The following MTUS1 variants were observed in gnomAD, a reference collection of about 807,000 sequenced individuals.
MTUS1 encodes microtubule-associated tumor suppressor 1.
Under a neutral mutation model 120.8 loss-of-function variants are expected in MTUS1, and 109 were observed. The ratio of observed to expected loss-of-function variants is 0.90; its 90% CI spans 0.77 to 1.06. The LOEUF is 1.06. MTUS1 is among the 50% of genes least tolerant of loss of function. The pLI, the probability that MTUS1 is intolerant of heterozygous loss-of-function variation, is 0.00. For synonymous variants in MTUS1, 737 were observed against 550.5 expected (o/e 1.34, Z -4.74); for missense variants, 2,210 against 1,486.3 (o/e 1.49, Z -8.01).
chr8:17,767,682 G>C (rs1436209616), intron 1 of MTUS1, among the ~76,000 whole-genome samples: 2 of 97,380 alleles, frequency 2.1e-5, no homozygotes, highest in East Asian at 6.0e-4. Context: ...CTGGGTGATA[G>C]AGCAAGACCC....
rs1173789145 is a variant in MTUS1, at chr8:17,755,723, A to T, written c.85T>A (p.Tyr29Asn). Residue 29 changes from tyrosine to asparagine, a missense_variant, in exon 2 of 15, where the codon TAC becomes AAC. Coordinates refer to ENST00000693296, the MANE Select transcript of MTUS1 (RefSeq NM_001363059.2). ...TGTGTAGGTGGTGATTTCGGGTTGT[A>T]TGCATGTGTATTTCCATCTTTATCA... is the stretch of plus-strand genomic sequence containing the variant. ...TSDKDGNTHA[Y>N]NPKSPPTQNS... The T allele has an allele frequency of 1.2e-6, 2 of 1,614,076 alleles. No individual in the cohort carries two copies. The highest frequency in any genetic ancestry group is 1.1e-5 in the South Asian group (1 of 91,082).
intron 5 of MTUS1, among the ~76,000 whole-genome samples, chr8:17,713,884 A>G (rs992154565): frequency 1.3e-5 from 2 of 152,200 alleles, no homozygotes; most frequent in Non-Finnish European, 2.9e-5. Context: ...GATCTCTTAA[A>G]ATACGTGGCT....
At position 17,778,227 on chromosome 8, in the gene MTUS1, C is replaced by A. The variant is rs142651321; in HGVS notation, c.-154-22266G>T. Among the ~76,000 whole-genome samples the A allele has an allele frequency of 4.0e-4, 61 of 152,226 alleles. 1 individual carries two copies. Among genetic ancestry groups the A allele is most frequent in the African/African-American group, 1.5e-3 (61 of 41,526 alleles). On this transcript the variant is annotated intron_variant, in intron 1 of 14. Coordinates refer to ENST00000693296, the MANE Select transcript of MTUS1 (RefSeq NM_001363059.2). Reference sequence around the variant, plus strand: ...GTAAACCATTGATACACAAACCACACAGATGTATCTCAAACACATACGCTA... The same window carrying A: ...GTAAACCATTGATACACAAACCACAAAGATGTATCTCAAACACATACGCTA...
At chr8:17,771,226 A>G (rs2049999411) in intron 1 of MTUS1, among the ~76,000 whole-genome samples, 1 of 152,226 alleles carries the variant, frequency 6.6e-6, no homozygotes, top group Non-Finnish European at 1.5e-5. Flanking sequence ...AAAGTTCCTG[A>G]AAGATACATA....
intron 1 of MTUS1, among the ~76,000 whole-genome samples, chr8:17,789,486 C>G (rs2051591417): frequency 6.6e-6 from 1 of 152,134 alleles, no homozygotes; most frequent in Non-Finnish European, 1.5e-5. Flanking sequence ...TGACCATGAA[C>G]ATTTCCTTGT....
intron 12 of MTUS1, among the ~76,000 whole-genome samples, chr8:17,652,576 C>A (rs1171830461): frequency 6.6e-6 from 1 of 151,892 alleles, no homozygotes; most frequent in African/African-American, 2.4e-5. Flanking sequence ...GTACTGGTGA[C>A]CAATGGACAA....
intron 3 of MTUS1, among the ~76,000 whole-genome samples, chr8:17,736,572 T>C (rs2046947575): frequency 6.8e-6 from 1 of 147,956 alleles, no homozygotes; most frequent in Non-Finnish European, 1.5e-5. Context: ...GCTTTATTTT[T>C]ATTTTATTTT....
At chr8:17,757,847 AT>A (rs1295778333) in intron 1 of MTUS1, among the ~76,000 whole-genome samples, 1 of 152,108 alleles carries the variant, frequency 6.6e-6, no homozygotes, top group Non-Finnish European at 1.5e-5. Context: ...AATAACTTAA[AT>A]TTTATTATGC....
intron 6 of MTUS1, among the ~76,000 whole-genome samples, chr8:17,709,365 G>C (rs573276355): frequency 6.6e-6 from 1 of 152,172 alleles, no homozygotes; most frequent in South Asian, 2.1e-4. Context: ...CTCTCTTCTA[G>C]GACAAGACAA....
chr8:17,792,441 G>C (rs986231121), intron 1 of MTUS1, among the ~76,000 whole-genome samples: 1 of 152,172 alleles, frequency 6.6e-6, no homozygotes, highest in Non-Finnish European at 1.5e-5. Flanking sequence ...AAATGGTTTA[G>C]GTTTTCTCAT....
intron 6 of MTUS1, among the ~76,000 whole-genome samples, chr8:17,708,576 G>A (rs368224169): frequency 8.5e-5 from 13 of 152,196 alleles, no homozygotes; most frequent in African/African-American, 2.7e-4. Flanking sequence ...GCTACCAATT[G>A]AGCCAGTTTT....
chr8:17,770,627 A>T (rs1186026967), intron 1 of MTUS1: 1 of 152,202 alleles, frequency 6.6e-6, no homozygotes, highest in Non-Finnish European at 1.5e-5. Flanking sequence ...CTCTCTGGGG[A>T]CTATGATTAT....
At chr8:17,684,694 C>T (rs908761965) in intron 6 of MTUS1, 152 bp from the exon 7 acceptor site, 20 of 651,384 alleles carry the variant, frequency 3.1e-5, no homozygotes, top group African/African-American at 7.2e-5. Flanking sequence ...TGGAATGAAT[C>T]GGAGATCTAG....
At chr8:17,715,924 A>C in intron 4 of MTUS1, 23 bp from the exon 5 acceptor site, 1 of 1,600,152 alleles carries the variant, frequency 6.2e-7, no homozygotes, top group Non-Finnish European at 8.5e-7. Flanking sequence ...AGAAAAGTAC[A>C]TTTTATTGTA....
chr8:17,755,899 T>C lies in MTUS1; in HGVS notation c.-92A>G, dbSNP rs565933269. 6.7e-7 allele frequency: 1 copy of C among 1,497,966 alleles called. No homozygotes were observed. The highest frequency in any genetic ancestry group is 1.4e-5 in the African/African-American group (1 of 71,890). The allele number at this position is 1,497,966 out of a possible 1,614,324, so 92.8% of individuals were successfully genotyped here. A position where few individuals can be genotyped will look rare whatever the true frequency, so the allele number is the denominator to read the frequency against. On this transcript the variant is annotated 5_prime_UTR_variant, in exon 2 of 15. Coordinates refer to ENST00000693296, the MANE Select transcript of MTUS1 (RefSeq NM_001363059.2). ...GGCAAAATGGTCTGTCTTCTAGGTTTTTCAGCACAGTTGAAAGGTTTTCAG... is the reference window on the plus strand; with the variant it reads ...GGCAAAATGGTCTGTCTTCTAGGTTCTTCAGCACAGTTGAAAGGTTTTCAG...
intron 1 of MTUS1, chr8:17,758,259 G>A (rs933872866): frequency 6.6e-6 from 1 of 152,116 alleles, no homozygotes; most frequent in Non-Finnish European, 1.5e-5. Context: ...AGTTTTCTTC[G>A]CTAACAGTGC....
chr8:17,748,652 C>T (rs1181728367), intron 2 of MTUS1, among the ~76,000 whole-genome samples: 1 of 152,210 alleles, frequency 6.6e-6, no homozygotes, highest in African/African-American at 2.4e-5. Context: ...CAGCATGCTC[C>T]TGCCGGTGCT....
At chr8:17,700,892 C>G (rs1737644965) in intron 6 of MTUS1, among the ~76,000 whole-genome samples, 1 of 105,604 alleles carries the variant, frequency 9.5e-6, no homozygotes, top group African/African-American at 3.4e-5. Flanking sequence ...TGTAATATCA[C>G]AGTATATTCA....
At chr8:17,763,554 C>G (rs2131392774) in intron 1 of MTUS1, among the ~76,000 whole-genome samples, 1 of 152,184 alleles carries the variant, frequency 6.6e-6, no homozygotes, top group South Asian at 2.1e-4. Context: ...GAATTAGCTG[C>G]ACAAACCCAG....
Sources: gnomAD v4.1 joint callset for allele counts (sites outside exome capture counted in the v4.1 genomes callset) on GRCh38, gnomAD v4.1.1 for gene constraint, MANE v1.5 for transcripts, NCBI Gene and HGNC (gene_info 2026-07-23, HGNC 2026-07-21) for gene names.